The following EZH2 variants were observed in gnomAD, a reference collection of about 807,000 sequenced individuals.
EZH2 encodes enhancer of zeste 2 polycomb repressive complex 2 subunit.
Under a neutral mutation model 98.4 loss-of-function variants are expected in EZH2, and 18 were observed. The observed-to-expected ratio is 0.18, with a 90% CI of 0.13 to 0.27. The LOEUF (loss-of-function observed/expected upper bound fraction) is 0.27, where lower values mean the gene tolerates loss of function less well. Ranked by LOEUF, EZH2 falls within the 10% of genes least tolerant of loss-of-function variation. The pLI, the probability that EZH2 is intolerant of heterozygous loss-of-function variation, is 1.00. For synonymous variants in EZH2, 338 were observed against 312.3 expected (o/e 1.08, Z -0.87); for missense variants, 470 against 935.1 (o/e 0.50, Z 6.49).
chr7:148,852,228 G>C (rs1280844128), intron 1 of EZH2, among the ~76,000 whole-genome samples: 1 of 152,140 alleles, frequency 6.6e-6, no homozygotes, highest in African/African-American at 2.4e-5. Flanking sequence ...CATTTACATA[G>C]GTTAACTAAA....
intron 8 of EZH2, among the ~76,000 whole-genome samples, chr7:148,822,179 G>T (rs1806313489): frequency 6.6e-6 from 1 of 152,168 alleles, no homozygotes; most frequent in South Asian, 2.1e-4. Context: ...ATCTTGGAAT[G>T]GGAAAGCTAA....
chr7:148,811,590 C>T, intron 16 of EZH2, 35 bp downstream of exon 16: 1 of 1,535,608 alleles, frequency 6.5e-7, no homozygotes, highest in Non-Finnish European at 9.0e-7. Context: ...TTAGTATATA[C>T]AATGCCACCT....
At chr7:148,832,577 CT>C in intron 4 of EZH2, 56 bp downstream of exon 4, 3 of 935,992 alleles carry the variant, frequency 3.2e-6, no homozygotes, top group Non-Finnish European at 4.9e-6. Flanking sequence ...ATTATCTATG[CT>C]TTTTTACTTC....
chr7:148,819,464 T>G, intron 9 of EZH2, 132 bp downstream of exon 9: 2 of 670,540 alleles, frequency 3.0e-6, no homozygotes, highest in Non-Finnish European at 2.6e-6. Context: ...ACAGCATGGG[T>G]GAGAAAGCTC....
intron 1 of EZH2, among the ~76,000 whole-genome samples, chr7:148,874,446 T>C (rs1477566463): frequency 6.6e-6 from 1 of 151,908 alleles, no homozygotes; most frequent in Non-Finnish European, 1.5e-5. Context: ...TTCAGAGAGT[T>C]TGGGCTGTTC....
At position 148,818,088 on chromosome 7, in the gene EZH2, G is replaced by A. The variant is rs778592154; in HGVS notation, c.1029C>T (p.Leu343=). Residue 343 remains leucine, a synonymous_variant, in exon 10 of 20, where the codon CTC becomes CTT. Coordinates refer to ENST00000320356, the MANE Select transcript of EZH2 (RefSeq NM_004456.5). ...GTGGGGTCTTTATCCGCTCAGCGGT[G>A]AGAGCAGCAGCAAACTCCTTTGCTC... ...LEGAKEFAAA[L]TAERIKTPPK... is the part of the protein sequence containing the mutation. 6.2e-7 allele frequency: 1 copy of A among 1,601,122 alleles called. No homozygotes were observed. The highest frequency in any genetic ancestry group is 2.2e-5 in the East Asian group (1 of 44,756).
intron 1 of EZH2, among the ~76,000 whole-genome samples, chr7:148,870,618 C>T (rs1256888000): frequency 6.6e-6 from 1 of 151,184 alleles, no homozygotes; most frequent in Non-Finnish European, 1.5e-5. Flanking sequence ...TGGAGGATCA[C>T]TTGAGCCCAG....
At chr7:148,817,450 C>T in intron 10 of EZH2, 59 bp from the exon 11 acceptor site, 2 of 1,544,772 alleles carry the variant, frequency 1.3e-6, no homozygotes, top group Non-Finnish European at 8.8e-7. Flanking sequence ...TTAAGAAGTA[C>T]AATTCAGGGT....
chr7:148,809,980 C>A (rs1802579384), intron 17 of EZH2, among the ~76,000 whole-genome samples: 1 of 152,254 alleles, frequency 6.6e-6, no homozygotes, highest in South Asian at 2.1e-4. Flanking sequence ...CAGTGCTCCT[C>A]CCCTCCTTCC....
intron 1 of EZH2, among the ~76,000 whole-genome samples, chr7:148,861,650 A>G (rs1817681449): frequency 6.6e-6 from 1 of 152,130 alleles, no homozygotes; most frequent in Non-Finnish European, 1.5e-5. Flanking sequence ...ACATTTTTAA[A>G]AAGAAACTTA....
At chr7:148,836,953 TA>T in intron 3 of EZH2, 1 of 508,398 alleles carries the variant, frequency 2.0e-6, no homozygotes, top group Non-Finnish European at 3.9e-6. Context: ...TGGTTCCAAG[TA>T]AAAACTGTGT....
At chr7:148,844,261 T>C (rs1281649967) in intron 3 of EZH2, among the ~76,000 whole-genome samples, 1 of 152,218 alleles carries the variant, frequency 6.6e-6, no homozygotes, top group Non-Finnish European at 1.5e-5. Context: ...AACAGGGATA[T>C]ATTCTCATCT....
At chr7:148,881,826 C>T (rs1820999923) in intron 1 of EZH2, among the ~76,000 whole-genome samples, 1 of 150,858 alleles carries the variant, frequency 6.6e-6, no homozygotes, top group African/African-American at 2.4e-5. Flanking sequence ...TCCAGCTACT[C>T]GGGAGGCTGA....
At chr7:148,808,193 A>G (rs904073852) in intron 19 of EZH2, among the ~76,000 whole-genome samples, 2 of 152,172 alleles carry the variant, frequency 1.3e-5, no homozygotes, top group African/African-American at 4.8e-5. Flanking sequence ...GAAGCCCACC[A>G]TGGGGGGTGA....
In EZH2 at chr7:148,817,302, T is replaced by C. The variant is rs1425631167; in HGVS notation, c.1330A>G (p.Met444Val). ...NVEWSGAEAS[M>V]FRVLIGTYYD... ...TAAGTGCCAATGAGGACTCTAAACATTGAGGCTTCAGCACCACTCCACTCC... is the reference window on the plus strand; with the variant it reads ...TAAGTGCCAATGAGGACTCTAAACACTGAGGCTTCAGCACCACTCCACTCC... Residue 444 changes from methionine to valine, a missense_variant, in exon 11 of 20, where the codon ATG (methionine) becomes GTG (valine). By Grantham distance (21) the Met-to-Val change is conservative. Around this residue, in one of 6 missense-constraint regions of EZH2, gnomAD observed 192 missense variants for 306.8 expected, o/e 0.63. Coordinates refer to ENST00000320356, the MANE Select transcript of EZH2 (RefSeq NM_004456.5). The C allele has an allele frequency of 3.1e-6, 5 of 1,614,000 alleles. No homozygotes were observed. Among genetic ancestry groups the C allele is most frequent in the Non-Finnish European group, 4.2e-6 (5 of 1,179,990 alleles).
rs1803123709 is a variant in EZH2 at position 148,811,661 on chromosome 7, C to A, written c.1911G>T (p.Val637=). ...ATTCTGAGATGAATTCATTTTTCTG[C>A]ACAGGATCTTTGATAAAAATCCCCC... ...AGWGIFIKDP[V]QKNEFISEYC... Residue 637 remains valine, a synonymous_variant, in exon 16 of 20, where the codon GTG becomes GTT. Coordinates refer to ENST00000320356, the MANE Select transcript of EZH2 (RefSeq NM_004456.5). 1.2e-6 allele frequency: 2 copies of A among 1,613,598 alleles called. No individual in the cohort carries two copies. Among genetic ancestry groups the A allele is most frequent in the African/African-American group, 1.3e-5 (1 of 74,924 alleles).
intron 15 of EZH2, among the ~76,000 whole-genome samples, chr7:148,813,059 A>ACGCACG (rs370029959): frequency 6.8e-6 from 1 of 148,086 alleles, no homozygotes; most frequent in African/African-American, 2.5e-5. Context: ...ACATACACAC[A>ACGCACG]CACACACACA....
chr7:148,879,708 T>TAATA (rs765482705), intron 1 of EZH2, among the ~76,000 whole-genome samples: 1 of 151,418 alleles, frequency 6.6e-6, no homozygotes, highest in Non-Finnish European at 1.5e-5. Context: ...AAATAATAAA[T>TAATA]AATAAATAAA....
intron 17 of EZH2, 64 bp downstream of exon 17, chr7:148,810,269 T>C (rs1414460537): frequency 3.2e-6 from 4 of 1,257,466 alleles, no homozygotes. Flanking sequence ...TTCTGAACAC[T>C]CGGCCGGCAG....
Sources: allele counts gnomAD v4.1 joint callset (sites outside exome capture counted in the v4.1 genomes callset), GRCh38; gene constraint gnomAD v4.1.1; regional missense constraint gnomAD v4.1.1; transcripts MANE v1.5; gene names NCBI Gene and HGNC (gene_info 2026-07-23, HGNC 2026-07-21).